SCARA5: variants seen among roughly 807,000 people sequenced by gnomAD.
SCARA5 encodes scavenger receptor class A, member 5 (putative).
A neutral mutation model predicts 46.3 loss-of-function variants in SCARA5; 45 were observed. The observed-to-expected ratio is 0.97, with a 90% CI of 0.76 to 1.24. The LOEUF (loss-of-function observed/expected upper bound fraction) is 1.24. Ranked by LOEUF, SCARA5 falls within the 50% of genes most tolerant of loss-of-function variation. The probability of loss-of-function intolerance (pLI) is 0.00; values close to 1 mark genes in which losing one functional copy is unlikely to be tolerated. For missense variants in SCARA5, 680 were observed against 689.0 expected, an observed-to-expected ratio of 0.99 and a Z score of 0.15; for synonymous variants, 333 against 306.5, an observed-to-expected ratio of 1.09 and a Z score of -0.90.
chr8:27,902,178 T>TTCTG (rs1249977211), intron 7 of SCARA5, among the ~76,000 whole-genome samples: 1 of 152,102 alleles, frequency 6.6e-6, no homozygotes, highest in Non-Finnish European at 1.5e-5. Flanking sequence ...TCTGTCTGAG[T>TTCTG]TCTGGGCTGC....
chr8:27,912,809 G>A (rs1285689672), intron 4 of SCARA5, among the ~76,000 whole-genome samples: 1 of 152,258 alleles, frequency 6.6e-6, no homozygotes, highest in African/African-American at 2.4e-5. Context: ...CGCCAAGGGA[G>A]GATGCTGCCC....
At chr8:27,926,373 C>T (rs1053418654) in intron 3 of SCARA5, among the ~76,000 whole-genome samples, 2 of 152,090 alleles carry the variant, frequency 1.3e-5, no homozygotes, top group Non-Finnish European at 2.9e-5. Context: ...TGCATGTTCT[C>T]ACTCATAGGT....
Position 27,921,695 on chromosome 8 carries a change from C to T in SCARA5, c.792G>A (p.Leu264=). 1 of 1,605,574 alleles carries T rather than the reference C, an allele frequency of 6.2e-7. No homozygotes were observed. Among genetic ancestry groups the T allele is most frequent in the Non-Finnish European group, 8.5e-7 (1 of 1,176,742 alleles). The part of the protein sequence containing the change: ...NASEDTRRLR[L]AHVGMELQLK... The stretch of plus-strand genomic sequence containing the variant: ...GCTGCAGCTCCATGCCTACGTGCGC[C>T]AGGCGCAGGCGGCGCGTGTCCTCGC... Residue 264 remains leucine (L), a synonymous_variant, in exon 4 of 9, where the codon CTG becomes CTA. Coordinates refer to ENST00000354914, the MANE Select transcript of SCARA5 (RefSeq NM_173833.6).
At chr8:27,872,709 CG>C (rs761840394) in intron 8 of SCARA5, among the ~76,000 whole-genome samples, 1 of 152,234 alleles carries the variant, frequency 6.6e-6, no homozygotes, top group Non-Finnish European at 1.5e-5. Flanking sequence ...GAAGACACAT[CG>C]GTTTACAAAT....
intron 7 of SCARA5, 111 bp from the exon 8 acceptor site, chr8:27,879,877 C>A: frequency 9.8e-7 from 1 of 1,018,210 alleles, no homozygotes; most frequent in Admixed American, 2.3e-5. Context: ...AGGGCTGGGG[C>A]CCAGCTGTAT....
At chr8:27,901,572 T>C (rs912328672) in intron 7 of SCARA5, among the ~76,000 whole-genome samples, 1 of 152,022 alleles carries the variant, frequency 6.6e-6, no homozygotes, top group African/African-American at 2.4e-5. Flanking sequence ...CTCAGGGATA[T>C]GGTTAATGCT....
chr8:27,904,023 C>T (rs1807208015), intron 7 of SCARA5, among the ~76,000 whole-genome samples: 1 of 14,474 alleles, frequency 6.9e-5, no homozygotes, highest in South Asian at 0.012. Context: ...CAAGATTCTA[C>T]ATGTAGCCCT....
At chr8:27,960,485 T>G (rs1230646823) in intron 3 of SCARA5, among the ~76,000 whole-genome samples, 2 of 152,228 alleles carry the variant, frequency 1.3e-5, no homozygotes, top group Non-Finnish European at 2.9e-5. Flanking sequence ...TACTGAGTAC[T>G]TACGTGCCAG....
intron 3 of SCARA5, among the ~76,000 whole-genome samples, chr8:27,955,787 G>C (rs896020943): frequency 2.0e-5 from 3 of 152,160 alleles, no homozygotes; most frequent in African/African-American, 7.2e-5. Flanking sequence ...AAGTTACTGG[G>C]CTCCTGTATT....
intron 5 of SCARA5, among the ~76,000 whole-genome samples, chr8:27,907,845 C>T (rs1807292963): frequency 6.6e-6 from 1 of 152,170 alleles, no homozygotes; most frequent in Non-Finnish European, 1.5e-5. Flanking sequence ...GTTGGAATTA[C>T]AGGCGTGAGC....
At chr8:27,966,642 T>C (rs1808374371) in intron 2 of SCARA5, 100 bp from the exon 3 acceptor site, 2 of 1,316,830 alleles carry the variant, frequency 1.5e-6, no homozygotes, top group Non-Finnish European at 1.0e-6. Flanking sequence ...CATGCAGATG[T>C]TCATGTTGAA....
At chr8:27,884,700 C>T (rs1806866249) in intron 7 of SCARA5, among the ~76,000 whole-genome samples, 1 of 152,244 alleles carries the variant, frequency 6.6e-6, no homozygotes, top group African/African-American at 2.4e-5. Flanking sequence ...CCAGCCTGAA[C>T]TCACTTTGTG....
chr8:27,933,197 C>T (rs1289643270), intron 3 of SCARA5, among the ~76,000 whole-genome samples: 2 of 152,144 alleles, frequency 1.3e-5, no homozygotes, highest in East Asian at 3.8e-4. Context: ...TCTACTCTTT[C>T]AAAATATTAG....
intron 2 of SCARA5, among the ~76,000 whole-genome samples, chr8:27,973,914 A>G (rs1808483332): frequency 6.6e-6 from 1 of 152,240 alleles, no homozygotes; most frequent in Non-Finnish European, 1.5e-5. Flanking sequence ...AGAGGTAAAC[A>G]TTGTGAAGAC....
chr8:27,966,559 A>G lies in SCARA5; in HGVS notation c.113-17T>C. ...GACATGGACCTGGACAATAAGGGTA[A>G]GAGGAGGAAGGAAAGAAGACACTTA... On this transcript the variant is annotated splice_polypyrimidine_tract_variant and intron_variant, in intron 2 of 8. Transcript: ENST00000354914. The G allele has an allele frequency of 6.3e-7, 1 of 1,587,636 alleles. No homozygotes were observed. The highest frequency in any genetic ancestry group is 1.2e-5 in the South Asian group (1 of 86,700).
intron 3 of SCARA5, among the ~76,000 whole-genome samples, chr8:27,930,456 G>A (rs1807751951): frequency 6.6e-6 from 1 of 151,602 alleles, no homozygotes; most frequent in Admixed American, 6.6e-5. Flanking sequence ...AGGCTGGAGT[G>A]CAATGGCGCG....
chr8:27,878,645 G>T (rs75046963), intron 8 of SCARA5, among the ~76,000 whole-genome samples: 9,014 of 152,292 alleles, frequency 0.059, 306 homozygotes, highest in South Asian at 0.1. Context: ...GAGAAGAAAA[G>T]ACTCAGAGAG....
At chr8:27,945,860 C>T (rs1189717476) in intron 3 of SCARA5, among the ~76,000 whole-genome samples, 1 of 152,112 alleles carries the variant, frequency 6.6e-6, no homozygotes, top group Non-Finnish European at 1.5e-5. Flanking sequence ...CAAAGAAATG[C>T]AAATTTTAAA....
intron 3 of SCARA5, among the ~76,000 whole-genome samples, chr8:27,950,982 G>A (rs1279092414): frequency 2.0e-5 from 3 of 151,994 alleles, no homozygotes; most frequent in Non-Finnish European, 4.4e-5. Flanking sequence ...CTTCTCAAGA[G>A]GAATGGTGGG....
Sources: allele counts gnomAD v4.1 joint callset (sites outside exome capture counted in the v4.1 genomes callset), GRCh38; gene constraint gnomAD v4.1.1; transcripts MANE v1.5; gene names NCBI Gene and HGNC (gene_info 2026-07-23, HGNC 2026-07-21).